The following ZRANB3 variants were observed in gnomAD, a reference collection of about 807,000 sequenced individuals.
ZRANB3 encodes the protein DNA annealing helicase and endonuclease ZRANB3.
ZRANB3 carries 125 observed loss-of-function variants against 133.8 expected under a neutral mutation model. That is an observed-to-expected ratio of 0.93 (90% CI 0.81 to 1.08). The LOEUF (loss-of-function observed/expected upper bound fraction) is 1.08, where lower values mean the gene tolerates loss of function less well. ZRANB3 is among the 50% of genes least tolerant of loss of function. The probability of loss-of-function intolerance (pLI) is 0.00; values close to 1 mark genes in which losing one functional copy is unlikely to be tolerated. For missense variants in ZRANB3, 1,229 were observed against 1,275.5 expected (o/e 0.96, Z 0.56); for synonymous variants, 387 against 432.7 (o/e 0.89, Z 1.31).
chr2:135,420,166 G>A (rs1327015100), intron 2 of ZRANB3, among the ~76,000 whole-genome samples: 1 of 143,552 alleles, frequency 7.0e-6, no homozygotes, highest in Non-Finnish European at 1.5e-5. Context: ...CAACAAATTA[G>A]TAACTTTCTG....
chr2:135,527,162 A>G (rs1205909452), intron 1 of ZRANB3, among the ~76,000 whole-genome samples: 2 of 152,204 alleles, frequency 1.3e-5, no homozygotes, highest in African/African-American at 4.8e-5. Flanking sequence ...TTGGCTCAGC[A>G]TAAATCTCCT....
chr2:135,209,096 CTG>C, intron 17 of ZRANB3, 118 bp from the exon 18 acceptor site: 2 of 907,002 alleles, frequency 2.2e-6, no homozygotes, highest in South Asian at 4.0e-5. Context: ...ATTCTATTAA[CTG>C]TGCTGAAACT....
At chr2:135,326,575 G>A (rs886209111) in intron 6 of ZRANB3, among the ~76,000 whole-genome samples, 1 of 151,978 alleles carries the variant, frequency 6.6e-6, no homozygotes, top group African/African-American at 2.4e-5. Flanking sequence ...ATTAACCCAT[G>A]ACTTAGGTAT....
At chr2:135,496,300 C>T (rs1328623334) in intron 2 of ZRANB3, among the ~76,000 whole-genome samples, 1 of 146,364 alleles carries the variant, frequency 6.8e-6, no homozygotes, top group Non-Finnish European at 1.5e-5. Flanking sequence ...AGGACAATCG[C>T]TTGAACACAG....
intron 1 of ZRANB3, among the ~76,000 whole-genome samples, chr2:135,521,089 A>G (rs1559052653): frequency 6.6e-6 from 1 of 152,228 alleles, no homozygotes; most frequent in Non-Finnish European, 1.5e-5. Flanking sequence ...CGTTAAGGAC[A>G]AGAAAATTTA....
chr2:135,287,803 A>G (rs1274182434), intron 8 of ZRANB3, among the ~76,000 whole-genome samples: 1 of 151,372 alleles, frequency 6.6e-6, no homozygotes, highest in Non-Finnish European at 1.5e-5. Context: ...AACTTTACTG[A>G]ATTCATTTAT....
At chr2:135,429,498 C>T (rs946279753) in intron 2 of ZRANB3, among the ~76,000 whole-genome samples, 2 of 152,108 alleles carry the variant, frequency 1.3e-5, no homozygotes, top group Admixed American at 6.6e-5. Context: ...AAGAAACCTG[C>T]ACATGTACCC....
chr2:135,360,929 T>G (rs998661245), intron 3 of ZRANB3, among the ~76,000 whole-genome samples: 14 of 134,340 alleles, frequency 1.0e-4, no homozygotes, highest in Admixed American at 7.9e-4. Flanking sequence ...ACCATGCCTG[T>G]TTTTGGTTTG....
intron 8 of ZRANB3, among the ~76,000 whole-genome samples, chr2:135,304,085 G>T (rs1211839777): frequency 6.6e-6 from 1 of 152,092 alleles, no homozygotes; most frequent in Non-Finnish European, 1.5e-5. Flanking sequence ...TGTACACCTT[G>T]TATTTCTTTT....
intron 3 of ZRANB3, among the ~76,000 whole-genome samples, chr2:135,377,454 A>G (rs1686479606): frequency 6.6e-6 from 1 of 152,164 alleles, no homozygotes; most frequent in African/African-American, 2.4e-5. Context: ...CTGGGACAAG[A>G]AATGCATAGA....
At chr2:135,429,408 A>G (rs1212145708) in intron 2 of ZRANB3, among the ~76,000 whole-genome samples, 2 of 152,174 alleles carry the variant, frequency 1.3e-5, no homozygotes, top group Non-Finnish European at 2.9e-5. Context: ...GAGGAGGGAG[A>G]GGATCAGGTA....
chr2:135,530,414 C>T (rs1399259635), intron 1 of ZRANB3: 1 of 152,110 alleles, frequency 6.6e-6, no homozygotes, highest in African/African-American at 2.4e-5. Context: ...AAATTACCCC[C>T]ATCCCATGTC....
intron 3 of ZRANB3, among the ~76,000 whole-genome samples, chr2:135,369,962 A>G (rs1558948586): frequency 6.6e-6 from 1 of 151,644 alleles, no homozygotes; most frequent in Non-Finnish European, 1.5e-5. Context: ...CCAGTACCCT[A>G]CATTTTACAG....
At chr2:135,339,096 G>A (rs1202686508) in intron 6 of ZRANB3, among the ~76,000 whole-genome samples, 2 of 152,004 alleles carry the variant, frequency 1.3e-5, no homozygotes, top group African/African-American at 4.8e-5. Context: ...GCAACATACT[G>A]ACACCCCGTA....
At chr2:135,489,824 G>A (rs1479868799) in intron 2 of ZRANB3, among the ~76,000 whole-genome samples, 2 of 151,870 alleles carry the variant, frequency 1.3e-5, no homozygotes, top group Non-Finnish European at 2.9e-5. Context: ...AAAAACAAGT[G>A]ATATAAATAG....
intron 2 of ZRANB3, among the ~76,000 whole-genome samples, chr2:135,481,002 T>C (rs1181054248): frequency 1.3e-5 from 2 of 151,672 alleles, no homozygotes; most frequent in African/African-American, 4.9e-5. Context: ...ATTTTCTTAA[T>C]CCAGTCTATC....
chr2:135,279,425 C>G (rs994229724), intron 8 of ZRANB3, among the ~76,000 whole-genome samples: 1 of 152,122 alleles, frequency 6.6e-6, no homozygotes, highest in Non-Finnish European at 1.5e-5. Context: ...AAATAAGGAG[C>G]TATAAATTCT....
intron 2 of ZRANB3, among the ~76,000 whole-genome samples, chr2:135,488,274 A>T (rs1463482819): frequency 6.6e-6 from 1 of 152,154 alleles, no homozygotes; most frequent in Non-Finnish European, 1.5e-5. Context: ...CTAATTACTG[A>T]TCACCATAAC....
At position 135,500,725 on chromosome 2, in the gene ZRANB3, T is replaced by C. The variant is rs141054455; in HGVS notation, c.161+3604A>G. Among the ~76,000 whole-genome samples, 558 of 145,484 alleles carry C rather than the reference T, an allele frequency of 3.8e-3. 3 individuals are homozygous for C. The highest frequency in any genetic ancestry group is 0.011 in the Middle Eastern group (3 of 274). On this transcript the variant is annotated intron_variant, in intron 2 of 20. Transcript: ENST00000264159. Reference sequence around the variant, plus strand: ...CTTCAAGCTATACATTCATAATCTATGTACCTTTGTCCATGTAAATTACAT... The same window carrying C: ...CTTCAAGCTATACATTCATAATCTACGTACCTTTGTCCATGTAAATTACAT...
Sources: allele counts gnomAD v4.1 joint callset (sites outside exome capture counted in the v4.1 genomes callset), GRCh38; gene constraint gnomAD v4.1.1; transcripts MANE v1.5; gene names NCBI Gene and HGNC (gene_info 2026-07-23, HGNC 2026-07-21).